Variants in ABTB3 observed in about 807,000 individuals in gnomAD.
ABTB3 encodes ankyrin repeat- and BTB/POZ domain-containing protein 3.
At chr12:107,542,849 C>G in the ABTB3 span, among the ~76,000 whole-genome samples, 8 of 152,108 alleles carry the variant, frequency 5.3e-5, no homozygotes, top group Non-Finnish European at 1.5e-5. Context: ...TAAGTGGAAG[C>G]AGATCATCAT....
chr12:107,373,961 C>T, the ABTB3 span, among the ~76,000 whole-genome samples: 1 of 152,298 alleles, frequency 6.6e-6, no homozygotes, highest in East Asian at 1.9e-4. Flanking sequence ...ACGTTGGAGG[C>T]GGAGAGGACT....
the ABTB3 span, among the ~76,000 whole-genome samples, chr12:107,423,389 A>G: frequency 6.6e-6 from 1 of 152,198 alleles, no homozygotes; most frequent in Non-Finnish European, 1.5e-5. Flanking sequence ...CCATGCCAAG[A>G]AAAGGAAGGT....
the ABTB3 span, among the ~76,000 whole-genome samples, chr12:107,441,525 G>A: frequency 6.6e-6 from 1 of 152,046 alleles, no homozygotes; most frequent in African/African-American, 2.4e-5. Flanking sequence ...TTAATACCTA[G>A]GTGATGGGTT....
the ABTB3 span, among the ~76,000 whole-genome samples, chr12:107,388,955 G>C: frequency 3.5e-4 from 53 of 152,010 alleles, no homozygotes; most frequent in African/African-American, 1.3e-3. Flanking sequence ...TGTGTTCTCT[G>C]TTCCTCAGAG....
At chr12:107,520,334 A>C in the ABTB3 span, 1 of 965,290 alleles carries the variant, frequency 1.0e-6, no homozygotes, top group African/African-American at 1.8e-5. Context: ...CATTTCTAAA[A>C]GGAGTCCAGA....
At chr12:107,501,198 C>T in the ABTB3 span, among the ~76,000 whole-genome samples, 1 of 152,190 alleles carries the variant, frequency 6.6e-6, no homozygotes, top group East Asian at 1.9e-4. Flanking sequence ...TAGTAAATGC[C>T]ATATAAAGTC....
chr12:107,468,616 A>G, the ABTB3 span, among the ~76,000 whole-genome samples: 7 of 152,318 alleles, frequency 4.6e-5, no homozygotes, highest in African/African-American at 1.4e-4. Flanking sequence ...GGGGCATTCC[A>G]TACTCAGTGG....
At chr12:107,439,501 T>A in the ABTB3 span, among the ~76,000 whole-genome samples, 3,249 of 152,162 alleles carry the variant, frequency 0.021, 113 homozygotes, top group African/African-American at 0.074. Flanking sequence ...GGGGCTCCAG[T>A]GTATCTTGGG....
the ABTB3 span, chr12:107,617,060 C>G: frequency 6.2e-7 from 1 of 1,606,914 alleles, no homozygotes; most frequent in Non-Finnish European, 8.5e-7. Context: ...TCTCCTCTCA[C>G]CGTCTCAATG....
the ABTB3 span, chr12:107,612,731 C>T: frequency 1.3e-6 from 2 of 1,523,354 alleles, no homozygotes; most frequent in Non-Finnish European, 9.0e-7. Flanking sequence ...CGATTGACCA[C>T]AGCCACCTTG....
the ABTB3 span, among the ~76,000 whole-genome samples, chr12:107,385,310 G>A: frequency 6.7e-6 from 1 of 150,234 alleles, no homozygotes; most frequent in South Asian, 2.1e-4. Flanking sequence ...CAGCAGTGAT[G>A]AGTGCTGTGA....
chr12:107,510,656 T>C, the ABTB3 span, among the ~76,000 whole-genome samples: 1 of 152,054 alleles, frequency 6.6e-6, no homozygotes, highest in Admixed American at 6.6e-5. Context: ...GGCTCATGCC[T>C]GTGAAAGGAA....
At chr12:107,568,707 T>C in the ABTB3 span, among the ~76,000 whole-genome samples, 2 of 152,206 alleles carry the variant, frequency 1.3e-5, no homozygotes, top group Non-Finnish European at 2.9e-5. Flanking sequence ...GTGGGCTTTT[T>C]CCCCTAGCTT....
chr12:107,571,681 G>A, the ABTB3 span, among the ~76,000 whole-genome samples: 2 of 152,214 alleles, frequency 1.3e-5, no homozygotes, highest in Non-Finnish European at 2.9e-5. Context: ...CTGAGGCTGC[G>A]GCTCCCCTCC....
the ABTB3 span, among the ~76,000 whole-genome samples, chr12:107,444,624 T>C: frequency 6.6e-6 from 1 of 152,082 alleles, no homozygotes; most frequent in Non-Finnish European, 1.5e-5. Context: ...TGAGCAGTCA[T>C]AAGGGAGGTG....
At chr12:107,358,984 C>T in the ABTB3 span, among the ~76,000 whole-genome samples, 1 of 152,186 alleles carries the variant, frequency 6.6e-6, no homozygotes, top group African/African-American at 2.4e-5. Flanking sequence ...GCCTGACTAC[C>T]CCCGAAGAGT....
chr12:107,472,083 G>A, the ABTB3 span, among the ~76,000 whole-genome samples: 1 of 152,120 alleles, frequency 6.6e-6, no homozygotes, highest in South Asian at 2.1e-4. Flanking sequence ...GGGGACCAAA[G>A]AGAAAACACT....
At chr12:107,603,792 C>G in the ABTB3 span, among the ~76,000 whole-genome samples, 1 of 152,136 alleles carries the variant, frequency 6.6e-6, no homozygotes, top group African/African-American at 2.4e-5. Context: ...AAAATACTTG[C>G]AAATCATACA....
At chr12:107,393,683 C>A in the ABTB3 span, among the ~76,000 whole-genome samples, 1 of 152,104 alleles carries the variant, frequency 6.6e-6, no homozygotes, top group African/African-American at 2.4e-5. Context: ...GTAATCCCAG[C>A]GCTTTGGGAG....
Sources: allele counts gnomAD v4.1 joint callset (sites outside exome capture counted in the v4.1 genomes callset), GRCh38; gene constraint gnomAD v4.1.1; transcripts MANE v1.5; gene names NCBI Gene and HGNC (gene_info 2026-07-23, HGNC 2026-07-21).